Variants in DDHD1 observed in about 807,000 individuals in gnomAD.
The protein encoded by DDHD1 is DDHD domain containing 1.
In DDHD1, 49 loss-of-function variants were observed where a neutral mutation model predicts 96.4. That is an observed-to-expected ratio of 0.51 (90% CI 0.40 to 0.64). The LOEUF (loss-of-function observed/expected upper bound fraction) is 0.64. Among genes scored for constraint, DDHD1 ranks in the 30% least tolerant of loss-of-function variants. The probability of loss-of-function intolerance (pLI) is 0.00; values close to 1 mark genes in which losing one functional copy is unlikely to be tolerated. For synonymous variants in DDHD1, 442 were observed against 446.5 expected (o/e 0.99, Z 0.13); for missense variants, 1,106 against 1,161.2 (o/e 0.95, Z 0.69).
At chr14:53,102,586 A>G (rs1270619722) in intron 2 of DDHD1, among the ~76,000 whole-genome samples, 1 of 152,100 alleles carries the variant, frequency 6.6e-6, no homozygotes, top group African/African-American at 2.4e-5. Flanking sequence ...GATGCAAATG[A>G]TATTTTAATT....
At chr14:53,089,729 C>T (rs1402952350) in intron 4 of DDHD1, among the ~76,000 whole-genome samples, 1 of 152,112 alleles carries the variant, frequency 6.6e-6, no homozygotes, top group African/African-American at 2.4e-5. Flanking sequence ...AAATGTTAGA[C>T]CTAAAACCAT....
In DDHD1 at chr14:53,152,875, T is replaced by C; in HGVS notation, c.224A>G (p.Asn75Ser). ...LHLAPGTDDH[N>S]HHLALDPCLS... ...GCAGGGGTCCAGCGCGAGGTGGTGG[T>C]TGTGGTCGTCGGTGCCCGGCGCCAA... is the stretch of plus-strand genomic sequence containing the variant. Residue 75 changes from asparagine (N) to serine (S), a missense_variant, in exon 1 of 13, where the codon AAC becomes AGC. This residue lies in a region of DDHD1 where 456 missense variants were observed against 402.4 expected (regional missense o/e 1.13). Coordinates refer to ENST00000673822, the MANE Select transcript of DDHD1 (RefSeq NM_001160148.2). The C allele has an allele frequency of 6.2e-7, 1 of 1,610,426 alleles. No homozygotes were observed. The highest frequency in any genetic ancestry group is 1.3e-5 in the African/African-American group (1 of 74,686).
chr14:53,093,489 C>A (rs890720668), intron 2 of DDHD1, 45 bp from the exon 3 acceptor site: 6 of 1,586,156 alleles, frequency 3.8e-6, no homozygotes, highest in Non-Finnish European at 5.1e-6. Flanking sequence ...CCAAGACAAA[C>A]TTTATTTGTT....
chr14:53,079,036 T>C (rs1456642354), intron 4 of DDHD1, among the ~76,000 whole-genome samples: 1 of 152,182 alleles, frequency 6.6e-6, no homozygotes, highest in East Asian at 1.9e-4. Flanking sequence ...TGACCCAATC[T>C]TGTATTCCTG....
intron 1 of DDHD1, among the ~76,000 whole-genome samples, chr14:53,141,310 GT>G (rs1890627370): frequency 6.6e-6 from 1 of 152,200 alleles, no homozygotes; most frequent in Non-Finnish European, 1.5e-5. Flanking sequence ...GACTGAACTG[GT>G]AATTCTCAGA....
intron 6 of DDHD1, among the ~76,000 whole-genome samples, chr14:53,065,250 G>C (rs1052232818): frequency 1.3e-5 from 2 of 152,164 alleles, no homozygotes; most frequent in African/African-American, 2.4e-5. Context: ...CACAAAATAT[G>C]GCTGAGGAAT....
chr14:53,110,824 A>C (rs1014484191), intron 1 of DDHD1, among the ~76,000 whole-genome samples: 1 of 152,084 alleles, frequency 6.6e-6, no homozygotes, highest in Non-Finnish European at 1.5e-5. Context: ...AAAAATATAA[A>C]ATTAGCTGGG....
intron 1 of DDHD1, among the ~76,000 whole-genome samples, chr14:53,113,030 G>A (rs191477970): frequency 6.6e-6 from 1 of 152,202 alleles, no homozygotes; most frequent in East Asian, 1.9e-4. Flanking sequence ...CGTGATCTCA[G>A]CTTACTGCAA....
chr14:53,140,509 C>A (rs928515588), intron 1 of DDHD1, among the ~76,000 whole-genome samples: 7 of 152,070 alleles, frequency 4.6e-5, no homozygotes, highest in African/African-American at 1.4e-4. Flanking sequence ...CCAGCCTGGG[C>A]AACAGAGCAA....
chr14:53,111,544 T>A (rs997070955), intron 1 of DDHD1, among the ~76,000 whole-genome samples: 2 of 152,222 alleles, frequency 1.3e-5, no homozygotes, highest in Non-Finnish European at 2.9e-5. Context: ...GACTTTGAGT[T>A]TTCCTGTACA....
At chr14:53,119,293 G>A (rs537527435) in intron 1 of DDHD1, among the ~76,000 whole-genome samples, 13 of 152,250 alleles carry the variant, frequency 8.5e-5, no homozygotes, top group African/African-American at 3.1e-4. Context: ...ATAATGACAG[G>A]ATCAAATTCA....
In DDHD1 at chr14:53,091,939, A is replaced by G. The variant is rs748714439; in HGVS notation, c.1142-7T>C. On this transcript the variant is annotated splice_polypyrimidine_tract_variant and splice_region_variant and intron_variant, in intron 3 of 12. Transcript: ENST00000673822. ...CTGGTACCACTACTTGATGCTGTAG[A>G]AAAATTATAATTCTAAGTTTACTAT... The G allele has an allele frequency of 1.0e-5, 16 of 1,601,292 alleles. No homozygotes were observed. In the East Asian group the frequency reaches 3.6e-4, roughly 36 times the overall value.
rs1023600063 is a variant in DDHD1, at chr14:53,037,109, G to T, written c.*9659C>A. 6.6e-6 allele frequency: 1 copy of T among 152,066 alleles called. No individual in the cohort carries two copies. Among genetic ancestry groups the T allele is most frequent in the Non-Finnish European group, 1.5e-5 (1 of 68,016 alleles). The allele number at this position is 152,066 out of a possible 1,614,324, so 9.4% of individuals were successfully genotyped here. Reference sequence around the variant, plus strand: ...GGCTGGCTGCAAAGGACATGATTTTGTTCTTTTTATGGCTGCCTAATACTC... The same window carrying T: ...GGCTGGCTGCAAAGGACATGATTTTTTTCTTTTTATGGCTGCCTAATACTC... On this transcript the variant is annotated 3_prime_UTR_variant, in exon 13 of 13. Coordinates refer to ENST00000673822, the MANE Select transcript of DDHD1 (RefSeq NM_001160148.2).
chr14:53,144,629 T>C (rs994065135), intron 1 of DDHD1, among the ~76,000 whole-genome samples: 1 of 152,212 alleles, frequency 6.6e-6, no homozygotes, highest in Non-Finnish European at 1.5e-5. Context: ...CAAGTTTTAC[T>C]GAAGGTCTAA....
chr14:53,114,637 G>A lies in DDHD1; in HGVS notation c.839-10781C>T, dbSNP rs565469805. 1.4e-4 allele frequency among the ~76,000 whole-genome samples: 21 copies of A among 152,314 alleles called. No homozygotes were observed. The South Asian group carries it at 3.9e-3, about 29-fold the overall frequency. The stretch of plus-strand genomic sequence containing the variant: ...ACTGCAGCAGACCTGCAGGAGAGGG[G>A]CCAGACTAATAGAAGAAAAACTAAC... On this transcript the variant is annotated intron_variant, in intron 1 of 12. Transcript: ENST00000673822.
chr14:53,069,402 C>T (rs904160261), intron 6 of DDHD1, among the ~76,000 whole-genome samples: 8 of 152,148 alleles, frequency 5.3e-5, no homozygotes, highest in African/African-American at 1.7e-4. Context: ...TTGTGGCAAC[C>T]CTGGTGCCAC....
intron 2 of DDHD1, chr14:53,093,808 A>G (rs1365656965): frequency 5.5e-6 from 1 of 180,518 alleles, no homozygotes; most frequent in African/African-American, 2.4e-5. Flanking sequence ...TCAAGCCCTC[A>G]ATAGCTTTGA....
At chr14:53,128,561 TTA>T in intron 1 of DDHD1, among the ~76,000 whole-genome samples, 1 of 152,328 alleles carries the variant, frequency 6.6e-6, no homozygotes, top group South Asian at 2.1e-4. Context: ...ACCTAGAGGT[TTA>T]GTATTTCAAC....
chr14:53,126,430 C>T (rs979441026), intron 1 of DDHD1, among the ~76,000 whole-genome samples: 1 of 152,196 alleles, frequency 6.6e-6, no homozygotes, highest in African/African-American at 2.4e-5. Context: ...TGCAGTGGAG[C>T]AATCACGGGT....
Sources: gnomAD v4.1 joint callset for allele counts (sites outside exome capture counted in the v4.1 genomes callset) on GRCh38, gnomAD v4.1.1 for gene constraint, gnomAD v4.1.1 regional missense constraint, MANE v1.5 for transcripts, NCBI Gene and HGNC (gene_info 2026-07-23, HGNC 2026-07-21) for gene names.